The following ADAMTS17 variants were observed in gnomAD, a reference collection of about 807,000 sequenced individuals.
The protein encoded by ADAMTS17 is A disintegrin and metalloproteinase with thrombospondin motifs 17.
A neutral mutation model predicts 141.5 loss-of-function variants in ADAMTS17; 113 were observed. The ratio of observed to expected loss-of-function variants is 0.80; its 90% CI spans 0.69 to 0.93. The LOEUF is 0.93. ADAMTS17 is among the 40% of genes least tolerant of loss of function. ADAMTS17 has a pLI of 0.00. For missense variants in ADAMTS17, 1,659 were observed against 1,517.9 expected (o/e 1.09, Z -1.54); for synonymous variants, 768 against 630.6 (o/e 1.22, Z -3.27).
chr15:100,237,275 A>T (rs2042687712), intron 7 of ADAMTS17, among the ~76,000 whole-genome samples: 1 of 152,084 alleles, frequency 6.6e-6, no homozygotes, highest in Non-Finnish European at 1.5e-5. Context: ...GGCAAGCAGG[A>T]GGCTCTCCCT....
intron 15 of ADAMTS17, among the ~76,000 whole-genome samples, chr15:100,084,494 G>T (rs541668921): frequency 6.6e-6 from 1 of 152,212 alleles, no homozygotes; most frequent in Admixed American, 6.5e-5. Context: ...GAAGAGAGTA[G>T]TAGTTCTCCC....
At chr15:100,080,959 T>A (rs1173248664) in intron 15 of ADAMTS17, among the ~76,000 whole-genome samples, 2 of 152,210 alleles carry the variant, frequency 1.3e-5, no homozygotes, top group African/African-American at 4.8e-5. Flanking sequence ...CAAGTTGACT[T>A]GGGGTGGACT....
Position 100,262,792 on chromosome 15 carries a change from A to C in ADAMTS17, c.790-357T>G, listed in dbSNP as rs74039112. Among the ~76,000 whole-genome samples the C allele has an allele frequency of 7.1e-3, 1,071 of 151,762 alleles. 22 individuals carry two copies. The highest frequency in any genetic ancestry group is 0.025 in the African/African-American group (1,028 of 41,458). On this transcript the variant is annotated intron_variant, in intron 4 of 21. Coordinates refer to ENST00000268070, the MANE Select transcript of ADAMTS17 (RefSeq NM_139057.4). Reference sequence around the variant, plus strand: ...GTACTCTTCCAGTACTAAAAAAAAAAAAAAACAAAAAACCTAAAGAATAAT... The same window carrying C: ...GTACTCTTCCAGTACTAAAAAAAAACAAAAACAAAAAACCTAAAGAATAAT...
At chr15:100,340,989 T>G in intron 2 of ADAMTS17, 50 bp downstream of exon 2, 1 of 1,364,362 alleles carries the variant, frequency 7.3e-7, no homozygotes, top group East Asian at 3.1e-5. Context: ...GCGACCACTC[T>G]GCGTCGCAAC....
chr15:100,337,762 T>A (rs1392145006), intron 2 of ADAMTS17, among the ~76,000 whole-genome samples: 1 of 152,226 alleles, frequency 6.6e-6, no homozygotes, highest in Non-Finnish European at 1.5e-5. Context: ...TCACTCTTCC[T>A]AAAACAAGTC....
chr15:100,319,604 G>A (rs759089277), intron 3 of ADAMTS17, among the ~76,000 whole-genome samples: 2 of 152,108 alleles, frequency 1.3e-5, no homozygotes, highest in South Asian at 2.1e-4. Context: ...CCGGCTACTC[G>A]GAGGCTGAGG....
Position 100,238,391 on chromosome 15 carries a change from C to T in ADAMTS17, c.1075+15745G>A, listed in dbSNP as rs151309355. ...GTAAAACATCACCCCACAAGAGCAA[C>T]GGCCTTTGTTTGGTGCCTTGAGTGT... is the stretch of plus-strand genomic sequence containing the variant. On this transcript the variant is annotated intron_variant, in intron 7 of 21. Transcript: ENST00000268070. Among the ~76,000 whole-genome samples, 1,209 of 152,308 alleles carry T rather than the reference C, an allele frequency of 7.9e-3. 11 individuals are homozygous for T. The highest frequency in any genetic ancestry group is 0.012 in the Non-Finnish European group (847 of 68,026).
chr15:100,331,729 C>A (rs1389410196), intron 2 of ADAMTS17, among the ~76,000 whole-genome samples: 2 of 152,230 alleles, frequency 1.3e-5, no homozygotes, highest in East Asian at 1.9e-4. Flanking sequence ...TCTCAGGGGG[C>A]CATGGCATCC....
At chr15:100,262,707 G>A (rs984055687) in intron 4 of ADAMTS17, among the ~76,000 whole-genome samples, 3 of 147,096 alleles carry the variant, frequency 2.0e-5, no homozygotes, top group Non-Finnish European at 4.5e-5. Flanking sequence ...ATCTAAAATT[G>A]TTCTAAAATA....
intron 8 of ADAMTS17, among the ~76,000 whole-genome samples, chr15:100,191,866 G>A (rs975700924): frequency 2.6e-5 from 4 of 151,660 alleles, no homozygotes; most frequent in African/African-American, 9.7e-5. Flanking sequence ...CTCCACAGTC[G>A]CAAGCTCATT....
chr15:100,025,305 T>C (rs2061486599), intron 18 of ADAMTS17, among the ~76,000 whole-genome samples: 1 of 152,216 alleles, frequency 6.6e-6, no homozygotes, highest in African/African-American at 2.4e-5. Flanking sequence ...GGAATACCTT[T>C]ATTTTTAGCC....
At chr15:99,985,489 A>G (rs899503833) in intron 20 of ADAMTS17, among the ~76,000 whole-genome samples, 7 of 152,242 alleles carry the variant, frequency 4.6e-5, no homozygotes, top group African/African-American at 1.4e-4. Context: ...GATTTACACT[A>G]AAGTGTAAAC....
chr15:100,341,760 A>G, intron 1 of ADAMTS17, 61 bp downstream of exon 1: 1 of 1,512,696 alleles, frequency 6.6e-7, no homozygotes, highest in South Asian at 1.2e-5. Context: ...ACGCCGCGAG[A>G]ACGCAGAGGG....
intron 20 of ADAMTS17, among the ~76,000 whole-genome samples, chr15:99,981,342 GC>G (rs2060478759): frequency 6.6e-6 from 1 of 152,210 alleles, no homozygotes; most frequent in South Asian, 2.1e-4. Context: ...GTTCACTAGT[GC>G]CCCCATGAGG....
chr15:100,339,939 G>A (rs1019576834), intron 2 of ADAMTS17, among the ~76,000 whole-genome samples: 10 of 152,200 alleles, frequency 6.6e-5, no homozygotes, highest in African/African-American at 1.7e-4. Context: ...TCGAGGACTC[G>A]CCACAGACTC....
intron 14 of ADAMTS17, among the ~76,000 whole-genome samples, chr15:100,100,143 G>C (rs1278457396): frequency 6.6e-6 from 1 of 152,166 alleles, no homozygotes; most frequent in African/African-American, 2.4e-5. Flanking sequence ...ATGTAAGATG[G>C]AGGGAGACGC....
chr15:100,153,657 T>C (rs1018548791), intron 9 of ADAMTS17, among the ~76,000 whole-genome samples: 1 of 151,514 alleles, frequency 6.6e-6, no homozygotes, highest in Admixed American at 6.6e-5. Flanking sequence ...AATAACTAAA[T>C]GAATAAGTGA....
chr15:100,007,663 C>T (rs2061063288), intron 18 of ADAMTS17, among the ~76,000 whole-genome samples: 1 of 152,000 alleles, frequency 6.6e-6, no homozygotes. Context: ...GTTGGTGGTA[C>T]CTCCACTGAG....
At chr15:100,068,304 T>C (rs2141703622) in intron 15 of ADAMTS17, among the ~76,000 whole-genome samples, 1 of 151,908 alleles carries the variant, frequency 6.6e-6, no homozygotes, top group African/African-American at 2.4e-5. Flanking sequence ...CCTGCCTTCC[T>C]CTGTAGACTC....
Sources: allele counts gnomAD v4.1 joint callset (sites outside exome capture counted in the v4.1 genomes callset), GRCh38; gene constraint gnomAD v4.1.1; transcripts MANE v1.5; gene names NCBI Gene and HGNC (gene_info 2026-07-23, HGNC 2026-07-21).